Variants in PIK3C2B observed in about 807,000 individuals in gnomAD.
PIK3C2B encodes phosphatidylinositol-4-phosphate 3-kinase catalytic subunit type 2 beta, also known as phosphatidylinositol 4-phosphate 3-kinase C2 domain-containing subunit beta.
PIK3C2B carries 83 observed loss-of-function variants against 184.3 expected under a neutral mutation model. The observed-to-expected ratio is 0.45, with a 90% confidence interval of 0.38 to 0.54. The LOEUF is 0.54. Among genes scored for constraint, PIK3C2B ranks in the 20% least tolerant of loss-of-function variants. The pLI is 0.00. For synonymous variants in PIK3C2B, 779 were observed against 837.6 expected, an observed-to-expected ratio of 0.93 and a Z score of 1.21; for missense variants, 1,736 against 2,113.5, an observed-to-expected ratio of 0.82 and a Z score of 3.50.
rs565740821 is a variant in PIK3C2B at position 204,454,410 on chromosome 1, A to G, written c.2066+259T>C. Among the ~76,000 whole-genome samples the G allele has an allele frequency of 4.6e-4, 68 of 149,094 alleles. 1 individual carries two copies. The East Asian group carries it at 0.014, about 30-fold the overall frequency. On this transcript the variant is annotated intron_variant, in intron 12 of 32. Transcript: ENST00000684373. ...GACAGAAGAATGGCGTGAACCCAGG[A>G]GGCAGAGCTTGCAGTGAGCCGAGAT...
chr1:204,484,729 G>A (rs558320683), intron 1 of PIK3C2B, among the ~76,000 whole-genome samples: 20 of 150,826 alleles, frequency 1.3e-4, no homozygotes, highest in Admixed American at 2.6e-4. Context: ...GCGAGACTCC[G>A]TCTCAAAAAA....
chr1:204,465,409 T>C, intron 2 of PIK3C2B, 90 bp from the exon 3 acceptor site: 1 of 768,174 alleles, frequency 1.3e-6, no homozygotes. Context: ...AAACTCTAGA[T>C]GAAAAGACTT....
intron 2 of PIK3C2B, among the ~76,000 whole-genome samples, chr1:204,468,492 G>A (rs765343425): frequency 6.6e-6 from 1 of 152,248 alleles, no homozygotes; most frequent in African/African-American, 2.4e-5. Context: ...GGGCCTCAGA[G>A]CAAGCGGAAG....
At chr1:204,438,896 C>A (rs1675494699) in intron 23 of PIK3C2B, 39 bp downstream of exon 23, 1 of 1,599,024 alleles carries the variant, frequency 6.3e-7, no homozygotes, top group African/African-American at 1.3e-5. Flanking sequence ...GCATCAGGCA[C>A]ACACACACAC....
chr1:204,477,709 TCTC>T (rs1360762229), intron 1 of PIK3C2B, among the ~76,000 whole-genome samples: 1 of 152,066 alleles, frequency 6.6e-6, no homozygotes, highest in Non-Finnish European at 1.5e-5. Flanking sequence ...ACAGAATTGT[TCTC>T]CTTGGGACTG....
intron 9 of PIK3C2B, 96 bp downstream of exon 9, chr1:204,457,632 G>T: frequency 8.3e-7 from 1 of 1,204,726 alleles, no homozygotes; most frequent in Non-Finnish European, 1.1e-6. Context: ...CCCCTTTTTA[G>T]TGAGTGAACA....
At chr1:204,436,456 G>T (rs1199495663) in intron 23 of PIK3C2B, among the ~76,000 whole-genome samples, 1 of 152,158 alleles carries the variant, frequency 6.6e-6, no homozygotes, top group Admixed American at 6.5e-5. Context: ...CATGAACCCA[G>T]GAGGTGGAGG....
rs1475040230 is a variant in PIK3C2B, at chr1:204,469,616, G to C, written c.187C>G (p.Pro63Ala). ...GGCTTGCTGTAAAAGTCTACCCCAG[G>C]CTCATCCCAGCTGATGAGAGAGGGG... Reference protein sequence around the residue: ...ADPSLISWDEPGVDFYSKPAG... With the variant: ...ADPSLISWDEAGVDFYSKPAG... Residue 63 changes from proline (P) to alanine (A), a missense_variant, in exon 2 of 33, where the codon CCT (proline) becomes GCT (alanine). This residue lies in a region of PIK3C2B where 404 missense variants were observed against 418.0 expected (regional missense o/e 0.97). Transcript: ENST00000684373. The C allele has an allele frequency of 6.2e-7, 1 of 1,609,508 alleles. No homozygotes were observed. The highest frequency in any genetic ancestry group is 8.5e-7 in the Non-Finnish European group (1 of 1,177,426).
At chr1:204,454,937 GC>G in intron 11 of PIK3C2B, 146 bp from the exon 12 acceptor site, 1 of 835,396 alleles carries the variant, frequency 1.2e-6, no homozygotes, top group Non-Finnish European at 1.8e-6. Flanking sequence ...GGATAGGACA[GC>G]CAAACTGGAT....
At chr1:204,470,575 C>A (rs1298834057) in intron 1 of PIK3C2B, among the ~76,000 whole-genome samples, 1 of 152,222 alleles carries the variant, frequency 6.6e-6, no homozygotes, top group East Asian at 1.9e-4. Flanking sequence ...TAAAATGGTA[C>A]AACCACTTTG....
chr1:204,431,062 T>C (rs546336205), intron 28 of PIK3C2B, among the ~76,000 whole-genome samples: 2 of 152,382 alleles, frequency 1.3e-5, no homozygotes, highest in East Asian at 1.9e-4. Context: ...ATTCACACTG[T>C]CATGCAACCA....
chr1:204,468,870 C>T lies in PIK3C2B; in HGVS notation c.933G>A (p.Pro311=), dbSNP rs200810886. ...PGKNRRISAA[P]VGSRPHTVAN... ...AGAAGAAACACAAGAAGGTCCTCAC[C>T]GGGGCTGCAGAAATCCGGCGGTTCT... is the stretch of plus-strand genomic sequence containing the variant. The change falls in exon 2 of 33, where the codon CCG becomes CCA. Residue 311 remains proline (P), a splice_region_variant and synonymous_variant. Coordinates refer to ENST00000684373, the MANE Select transcript of PIK3C2B (RefSeq NM_001377334.1). 13 of 1,577,416 alleles carry T rather than the reference C, an allele frequency of 8.2e-6. No homozygotes were observed. Among genetic ancestry groups the T allele is most frequent in the South Asian group, 5.9e-5 (5 of 84,304 alleles).
intron 1 of PIK3C2B, among the ~76,000 whole-genome samples, chr1:204,493,275 T>C (rs1453452460): frequency 2.6e-5 from 4 of 152,242 alleles, no homozygotes; most frequent in Admixed American, 6.5e-5. Context: ...AGGGGCAGCA[T>C]TGGCCCACTT....
intron 23 of PIK3C2B, among the ~76,000 whole-genome samples, chr1:204,437,365 C>A (rs961208693): frequency 6.6e-6 from 1 of 152,104 alleles, no homozygotes; most frequent in Non-Finnish European, 1.5e-5. Context: ...CATGGTGGTG[C>A]ACGCCTATAA....
intron 2 of PIK3C2B, 60 bp from the exon 3 acceptor site, chr1:204,465,379 G>C: frequency 9.8e-7 from 1 of 1,020,714 alleles, no homozygotes; most frequent in Non-Finnish European, 1.5e-6. Flanking sequence ...CTCCCTATGA[G>C]GTACTCCAGA....
At position 204,439,075 on chromosome 1, in the gene PIK3C2B, T is replaced by G; in HGVS notation, c.3380-4A>C. ...TTAGGGATCATCTCCACCATCCCTG[T>G]GAGGGGAGAAATGGGGGTCACGTTC... On this transcript the variant is annotated splice_region_variant and splice_polypyrimidine_tract_variant and intron_variant, in intron 22 of 32. Coordinates refer to ENST00000684373, the MANE Select transcript of PIK3C2B (RefSeq NM_001377334.1). 1 of 1,613,062 alleles carries G rather than the reference T, an allele frequency of 6.2e-7. No homozygotes were observed. The highest frequency in any genetic ancestry group is 1.1e-5 in the South Asian group (1 of 91,006).
At chr1:204,461,055 T>C (rs568651717) in intron 5 of PIK3C2B, among the ~76,000 whole-genome samples, 64 of 152,182 alleles carry the variant, frequency 4.2e-4, no homozygotes, top group Non-Finnish European at 1.8e-4. Context: ...GGAAGAGACA[T>C]GTTGGAGTCC....
chr1:204,468,134 GAAT>G (rs61761689), intron 2 of PIK3C2B, among the ~76,000 whole-genome samples: 20 of 152,278 alleles, frequency 1.3e-4, no homozygotes, highest in African/African-American at 4.6e-4. Flanking sequence ...GAGTAGAGAT[GAAT>G]AATGCAAGGG....
At position 204,482,109 on chromosome 1, in the gene PIK3C2B, CGGGGGGG is replaced by C. The variant is rs55875447; in HGVS notation, c.-84-12230_-84-12224del. Among the ~76,000 whole-genome samples, 706 of 132,568 alleles carry C rather than the reference CGGGGGGG, an allele frequency of 5.3e-3. 8 individuals carry two copies. The highest frequency in any genetic ancestry group is 0.011 in the Middle Eastern group (3 of 266). 87.0% of individuals were successfully genotyped at this position (132,568 alleles called of 152,430 possible). On this transcript the variant is annotated intron_variant, in intron 1 of 32. Transcript: ENST00000684373. ...CAGGGAGGAATGAGCCATGAAAAGA[CGGGGGGG>C]GGGGGGGGGGTGCTCTCTAATGTTA...
Sources: allele counts gnomAD v4.1 joint callset (sites outside exome capture counted in the v4.1 genomes callset), GRCh38; gene constraint gnomAD v4.1.1; regional missense constraint gnomAD v4.1.1; transcripts MANE v1.5; gene names NCBI Gene and HGNC (gene_info 2026-07-23, HGNC 2026-07-21).